ITSN1: variants seen among roughly 807,000 people sequenced by gnomAD.
ITSN1 encodes intersectin-1.
A neutral mutation model predicts 239.8 loss-of-function variants in ITSN1; 58 were observed. That is an observed-to-expected ratio of 0.24 (90% CI 0.20 to 0.30). The LOEUF (loss-of-function observed/expected upper bound fraction) is 0.30, where lower values mean the gene tolerates loss of function less well. Ranked by LOEUF, ITSN1 falls within the 10% of genes least tolerant of loss-of-function variation. The pLI is 1.00. For synonymous variants in ITSN1, 780 were observed against 770.8 expected, an observed-to-expected ratio of 1.01 and a Z score of -0.20; for missense variants, 1,558 against 2,103.3, an observed-to-expected ratio of 0.74 and a Z score of 5.07.
At chr21:33,872,202 G>T (rs1396702847) in intron 33 of ITSN1, among the ~76,000 whole-genome samples, 1 of 152,194 alleles carries the variant, frequency 6.6e-6, no homozygotes, top group East Asian at 1.9e-4. Flanking sequence ...GCCTTTTTTG[G>T]AAGGCGATTA....
intron 1 of ITSN1, among the ~76,000 whole-genome samples, chr21:33,688,722 A>G (rs2091366001): frequency 6.6e-6 from 1 of 152,354 alleles, no homozygotes; most frequent in South Asian, 2.1e-4. Flanking sequence ...TAGAATGGCA[A>G]GAAAGAGGAA....
intron 12 of ITSN1, among the ~76,000 whole-genome samples, chr21:33,772,542 C>T (rs1427492628): frequency 2.6e-5 from 4 of 152,148 alleles, no homozygotes; most frequent in Non-Finnish European, 5.9e-5. Context: ...CTCCCTCCAG[C>T]TCCTATCATT....
intron 38 of ITSN1, among the ~76,000 whole-genome samples, chr21:33,886,015 T>C (rs1985737279): frequency 6.6e-6 from 1 of 152,008 alleles, no homozygotes; most frequent in Non-Finnish European, 1.5e-5. Flanking sequence ...GAGACCAGCC[T>C]GGCCAACATG....
intron 5 of ITSN1, among the ~76,000 whole-genome samples, chr21:33,748,834 T>A (rs887142613): frequency 1.3e-5 from 2 of 152,122 alleles, no homozygotes; most frequent in Non-Finnish European, 2.9e-5. Context: ...CATTTCACTC[T>A]AGCTTGGGCA....
intron 5 of ITSN1, 172 bp downstream of exon 5, chr21:33,735,376 C>T: frequency 1.4e-6 from 1 of 727,534 alleles, no homozygotes; most frequent in South Asian, 1.5e-5. Flanking sequence ...GGAGCATGTT[C>T]ACATTTGAAC....
chr21:33,884,789 C>A (rs777808923), intron 36 of ITSN1, among the ~76,000 whole-genome samples: 1 of 152,218 alleles, frequency 6.6e-6, no homozygotes, highest in Non-Finnish European at 1.5e-5. Context: ...CAGCATCTAT[C>A]ACAGATTTTC....
chr21:33,729,752 G>T (rs1450163188), intron 4 of ITSN1, among the ~76,000 whole-genome samples: 1 of 152,188 alleles, frequency 6.6e-6, no homozygotes, highest in Non-Finnish European at 1.5e-5. Flanking sequence ...AATCAGTAAA[G>T]TGCTCAGTAA....
chr21:33,661,392 A>C (rs2089546201), intron 1 of ITSN1, among the ~76,000 whole-genome samples: 1 of 152,168 alleles, frequency 6.6e-6, no homozygotes, highest in Admixed American at 6.5e-5. Flanking sequence ...TTAATAAAGT[A>C]ATAATTTTTC....
In ITSN1 at chr21:33,823,509, C is replaced by G; in HGVS notation, c.3039C>G (p.Tyr1013Ter). The change falls in exon 25 of 40, where the codon TAC (tyrosine) becomes TAG (stop). Residue 1013 changes from tyrosine to a stop codon, truncating the protein, a stop_gained. Coordinates refer to ENST00000381318, the MANE Select transcript of ITSN1 (RefSeq NM_003024.3). LOFTEE classifies it high-confidence loss of function. ...SGEEFIAMYTYESSEQGDLTF... is the reference protein window; with the variant it reads ...SGEEFIAMYT ...CAGAATTTATTGCCATGTACACTTA[C>G]GAGAGTTCTGAGCAAGGAGATTTAA... The G allele has an allele frequency of 6.2e-7, 1 of 1,613,906 alleles. No homozygotes were observed. The highest frequency in any genetic ancestry group is 8.5e-7 in the Non-Finnish European group (1 of 1,179,858).
At chr21:33,818,055 A>C (rs2073406687) in intron 22 of ITSN1, 1 of 577,746 alleles carries the variant, frequency 1.7e-6, no homozygotes, top group Non-Finnish European at 3.1e-6. Context: ...CTTTGTGAAG[A>C]GGCTGGAAGG....
At chr21:33,673,653 AG>A (rs1352669634) in intron 1 of ITSN1, among the ~76,000 whole-genome samples, 5 of 151,208 alleles carry the variant, frequency 3.3e-5, no homozygotes, top group Non-Finnish European at 7.4e-5. Context: ...CCTACCCCTC[AG>A]TGGGGGTAAT....
chr21:33,824,278 C>T (rs1432006232), intron 25 of ITSN1, among the ~76,000 whole-genome samples: 1 of 152,106 alleles, frequency 6.6e-6, no homozygotes, highest in Non-Finnish European at 1.5e-5. Flanking sequence ...AAACTGTGGT[C>T]TTAAGATAGT....
intron 1 of ITSN1, among the ~76,000 whole-genome samples, chr21:33,690,252 T>G (rs926715861): frequency 6.6e-6 from 1 of 151,128 alleles, no homozygotes; most frequent in Admixed American, 6.6e-5. Context: ...CATTCCAGCC[T>G]GGGTGATAGA....
Position 33,837,231 on chromosome 21 carries a change from C to A in ITSN1, c.3661+599C>A, listed in dbSNP as rs533215802. On this transcript the variant is annotated intron_variant, in intron 29 of 39. Transcript: ENST00000381318. ...GAGATAGGAGCAAAAATTACAAAAA[C>A]ACACAGGGTAGTGGGTCCTTTTGTG... 3.0e-5 allele frequency: 38 copies of A among 1,251,358 alleles called. No individual in the cohort carries two copies. In the East Asian group the frequency reaches 1.0e-3, roughly 34 times the overall value. The allele number at this position is 1,251,358 out of a possible 1,614,324, so 77.5% of individuals were successfully genotyped here. A position where few individuals can be genotyped will look rare whatever the true frequency, so the allele number is the denominator to read the frequency against.
rs1332492411 is a variant in ITSN1, at chr21:33,890,191, A to G, written c.*1891A>G. 1.3e-5 allele frequency: 2 copies of G among 152,220 alleles called. No homozygotes were observed. The highest frequency in any genetic ancestry group is 3.8e-4 in the East Asian group (2 of 5,200). 9.4% of individuals were successfully genotyped at this position (152,220 alleles called of 1,614,324 possible). On this transcript the variant is annotated 3_prime_UTR_variant, in exon 40 of 40. Transcript: ENST00000381318. ...ATAGACATGCAACTCATGCTTTCCTATTTCTATAACCAACACCGTTTGTTT... is the reference window on the plus strand; with the variant it reads ...ATAGACATGCAACTCATGCTTTCCTGTTTCTATAACCAACACCGTTTGTTT...
At chr21:33,758,353 G>A (rs749907527) in intron 8 of ITSN1, among the ~76,000 whole-genome samples, 1 of 152,178 alleles carries the variant, frequency 6.6e-6, no homozygotes, top group African/African-American at 2.4e-5. Flanking sequence ...GAGCTTAAGC[G>A]ATCTGCTTAC....
At chr21:33,879,179 C>T (rs1602698561) in intron 34 of ITSN1, among the ~76,000 whole-genome samples, 1 of 152,150 alleles carries the variant, frequency 6.6e-6, no homozygotes, top group African/African-American at 2.4e-5. Context: ...GAGACCCTGT[C>T]TCTACAAAAA....
chr21:33,844,799 A>G (rs937656256), intron 29 of ITSN1, among the ~76,000 whole-genome samples: 3 of 152,056 alleles, frequency 2.0e-5, no homozygotes, highest in Non-Finnish European at 4.4e-5. Flanking sequence ...AGGCCCCGTG[A>G]CAAGACCCCA....
intron 14 of ITSN1, among the ~76,000 whole-genome samples, chr21:33,775,437 G>C (rs997633529): frequency 3.5e-4 from 54 of 152,198 alleles, no homozygotes; most frequent in African/African-American, 1.2e-3. Context: ...TGTATTAGAA[G>C]ATGAAAAGTG....
Sources: gnomAD v4.1 joint callset for allele counts (sites outside exome capture counted in the v4.1 genomes callset) on GRCh38, gnomAD v4.1.1 for gene constraint, MANE v1.5 for transcripts, NCBI Gene and HGNC (gene_info 2026-07-23, HGNC 2026-07-21) for gene names.